The following TMEM131L variants were observed in gnomAD, a reference collection of about 807,000 sequenced individuals.
TMEM131L encodes the protein transmembrane protein 131-like.
In TMEM131L, 54 loss-of-function variants were observed where a neutral mutation model predicts 192.2. The observed-to-expected ratio is 0.28, with a 90% CI of 0.23 to 0.35. The LOEUF is 0.35. Ranked by LOEUF, TMEM131L falls within the 10% of genes least tolerant of loss-of-function variation. TMEM131L has a pLI of 1.00. For missense variants in TMEM131L, 1,888 were observed against 1,972.9 expected (o/e 0.96, Z 0.82); for synonymous variants, 701 against 704.9 (o/e 0.99, Z 0.09).
At chr4:153,579,247 G>C (rs965383410) in intron 7 of TMEM131L, among the ~76,000 whole-genome samples, 7 of 152,138 alleles carry the variant, frequency 4.6e-5, no homozygotes, top group African/African-American at 1.7e-4. Flanking sequence ...TGTAGTCCCA[G>C]CTACTTGGGA....
intron 11 of TMEM131L, 61 bp from the exon 12 acceptor site, chr4:153,584,774 G>C: frequency 8.6e-7 from 1 of 1,161,356 alleles, no homozygotes; most frequent in Non-Finnish European, 1.3e-6. Context: ...TATATCTTTT[G>C]TTCAGGCTTA....
rs754243727 is a variant in TMEM131L at position 153,583,170 on chromosome 4, A to G, written c.893-20A>G. On this transcript the variant is annotated intron_variant, in intron 9 of 34. Coordinates refer to ENST00000409959, the MANE Select transcript of TMEM131L (RefSeq NM_001131007.2). ...CTCTGATTAAATACTCTGCTTTAAT[A>G]CTCTGATTCTTTTGGACAGATGATT... 5 of 1,260,676 alleles carry G rather than the reference A, an allele frequency of 4.0e-6. No individual in the cohort carries two copies. The South Asian group carries it at 6.0e-5, about 15-fold the overall frequency. The allele number at this position is 1,260,676 out of a possible 1,614,324, so 78.1% of individuals were successfully genotyped here.
At chr4:153,574,527 T>G (rs1729805122) in intron 7 of TMEM131L, among the ~76,000 whole-genome samples, 1 of 152,198 alleles carries the variant, frequency 6.6e-6, no homozygotes, top group African/African-American at 2.4e-5. Context: ...ATACTGTGTG[T>G]GGGGGCCACC....
rs111875692 is a variant in TMEM131L at position 153,470,992 on chromosome 4, C to CTTT, written c.196-2843_196-2841dup. On this transcript the variant is annotated intron_variant, in intron 2 of 34. Transcript: ENST00000409959. ...GCCTTCGGTTTTTTTTGTTTGTTTT[C>CTTT]TTTTTTTTTTTTGAGACTGAGTGTT... 8.9e-4 allele frequency among the ~76,000 whole-genome samples: 130 copies of CTTT among 146,340 alleles called. 2 individuals are homozygous for CTTT. Among genetic ancestry groups the CTTT allele is most frequent in the African/African-American group, 3.0e-3 (121 of 39,870 alleles).
At chr4:153,585,646 AT>A (rs1730653107) in intron 13 of TMEM131L, 35 bp downstream of exon 13, 10 of 1,523,998 alleles carry the variant, frequency 6.6e-6, no homozygotes, top group Non-Finnish European at 8.9e-6. Context: ...GTTTTAGCTT[AT>A]TTTAAGCTTT....
intron 19 of TMEM131L, among the ~76,000 whole-genome samples, chr4:153,594,235 T>G (rs115541813): frequency 7.2e-6 from 1 of 139,232 alleles, no homozygotes; most frequent in African/African-American, 2.5e-5. Context: ...ACAAATACAT[T>G]AAAAAAAATC....
Position 153,466,495 on chromosome 4 carries a change from G to A in TMEM131L, c.98G>A (p.Cys33Tyr). 7.1e-7 allele frequency: 1 copy of A among 1,409,616 alleles called. No homozygotes were observed. Among genetic ancestry groups the A allele is most frequent in the South Asian group, 1.5e-5 (1 of 66,226 alleles). 87.3% of individuals were successfully genotyped at this position (1,409,616 alleles called of 1,614,324 possible). A position where few individuals can be genotyped will look rare whatever the true frequency, so the allele number is the denominator to read the frequency against. The change falls in exon 1 of 35, where the codon TGT (cysteine) becomes TAT (tyrosine). Residue 33 changes from cysteine to tyrosine, a missense_variant. Cys to Tyr is a radical substitution (Grantham distance 194, BLOSUM62 -2). Transcript: ENST00000409959. Reference protein sequence around the residue: ...LGVFQVLLPCCRPGGAQGQAI... With the variant: ...LGVFQVLLPCYRPGGAQGQAI... ...GTCTTCCAGGTCCTGCTGCCCTGCTGTCGCCCGGGAGGGGCTCAGGGACAA... is the reference window on the plus strand; with the variant it reads ...GTCTTCCAGGTCCTGCTGCCCTGCTATCGCCCGGGAGGGGCTCAGGGACAA...
At chr4:153,531,377 T>C (rs1045096856) in intron 3 of TMEM131L, among the ~76,000 whole-genome samples, 2 of 152,352 alleles carry the variant, frequency 1.3e-5, no homozygotes, top group Non-Finnish European at 1.5e-5. Context: ...AGGAAGTGTT[T>C]AGGAGCTACA....
intron 3 of TMEM131L, among the ~76,000 whole-genome samples, chr4:153,543,027 A>G (rs1736911098): frequency 6.6e-6 from 1 of 152,216 alleles, no homozygotes; most frequent in South Asian, 2.1e-4. Flanking sequence ...AGGTGCTGTT[A>G]TTAGCGAGAG....
chr4:153,614,358 G>A (rs1303159012), intron 26 of TMEM131L, among the ~76,000 whole-genome samples: 4 of 152,212 alleles, frequency 2.6e-5, no homozygotes, highest in African/African-American at 9.6e-5. Flanking sequence ...GGTGGTATCC[G>A]TAGAGAACTG....
chr4:153,564,359 GATGGC>G (rs1043419391), intron 7 of TMEM131L, among the ~76,000 whole-genome samples: 4 of 139,624 alleles, frequency 2.9e-5, no homozygotes, highest in Non-Finnish European at 6.1e-5. Flanking sequence ...TGAGGACATA[GATGGC>G]ACATAGCAGG....
intron 3 of TMEM131L, among the ~76,000 whole-genome samples, chr4:153,548,461 C>A (rs542104082): frequency 1.3e-5 from 2 of 151,918 alleles, no homozygotes; most frequent in African/African-American, 4.8e-5. Context: ...CCCGCCACCA[C>A]GCCCAGCTAA....
chr4:153,617,144 A>G (rs1187294725), intron 26 of TMEM131L, among the ~76,000 whole-genome samples: 3 of 152,114 alleles, frequency 2.0e-5, no homozygotes, highest in Non-Finnish European at 4.4e-5. Flanking sequence ...TGTTCTCGTG[A>G]TAGTAAGTCT....
intron 26 of TMEM131L, among the ~76,000 whole-genome samples, chr4:153,616,947 C>T (rs1050894455): frequency 6.6e-6 from 1 of 152,138 alleles, no homozygotes; most frequent in Non-Finnish European, 1.5e-5. Flanking sequence ...CAATTTTGTT[C>T]CTCTTACCTG....
chr4:153,500,431 G>T (rs930013795), intron 3 of TMEM131L, among the ~76,000 whole-genome samples: 1 of 152,142 alleles, frequency 6.6e-6, no homozygotes, highest in Non-Finnish European at 1.5e-5. Context: ...TTTAAATTTT[G>T]CCAATAGTGG....
At chr4:153,549,701 A>G (rs572284535) in intron 3 of TMEM131L, among the ~76,000 whole-genome samples, 3 of 152,238 alleles carry the variant, frequency 2.0e-5, no homozygotes, top group Non-Finnish European at 4.4e-5. Flanking sequence ...TAACAAAGTC[A>G]GAGGCCACAG....
intron 26 of TMEM131L, 48 bp downstream of exon 26, chr4:153,612,448 A>G: frequency 2.8e-6 from 4 of 1,415,676 alleles, no homozygotes; most frequent in Non-Finnish European, 3.9e-6. Flanking sequence ...CATTTTTAGG[A>G]CTGTGTATTA....
At chr4:153,586,981 C>G (rs910712566) in intron 14 of TMEM131L, among the ~76,000 whole-genome samples, 4 of 151,822 alleles carry the variant, frequency 2.6e-5, no homozygotes, top group African/African-American at 7.3e-5. Context: ...TTTTGTATAA[C>G]TCTGGGTTCT....
rs1467212680 is a variant in TMEM131L, at chr4:153,467,159, C to A, written c.125-52C>A. The stretch of plus-strand genomic sequence containing the variant: ...GAGGGACGGTAGGGGAAACAGGAAG[C>A]GTTTCTTTAGCGTGCATTAAAAACG... On this transcript the variant is annotated intron_variant, in intron 1 of 34. Transcript: ENST00000409959. 4 of 1,509,800 alleles carry A rather than the reference C, an allele frequency of 2.6e-6. No individual in the cohort carries two copies. In the African/African-American group the frequency reaches 5.5e-5, roughly 21 times the overall value. The allele number at this position is 1,509,800 out of a possible 1,614,324, so 93.5% of individuals were successfully genotyped here.
Sources: gnomAD v4.1 joint callset for allele counts (sites outside exome capture counted in the v4.1 genomes callset) on GRCh38, gnomAD v4.1.1 for gene constraint, MANE v1.5 for transcripts, NCBI Gene and HGNC (gene_info 2026-07-23, HGNC 2026-07-21) for gene names.